TMEM26: variants seen among roughly 807,000 people sequenced by gnomAD.
TMEM26 encodes the protein transmembrane protein 26.
TMEM26 carries 38 observed loss-of-function variants against 28.8 expected under a neutral mutation model. The observed-to-expected ratio is 1.32, with a 90% CI of 1.02 to 1.73. TMEM26 has a LOEUF of 1.73. TMEM26 is among the 40% of genes most tolerant of loss of function. The pLI is 0.00. For missense variants in TMEM26, 518 were observed against 447.1 expected (o/e 1.16, Z -1.43); for synonymous variants, 227 against 182.9 (o/e 1.24, Z -1.95).
At chr10:61,417,465 GTT>G (rs71018971) in intron 4 of TMEM26, among the ~76,000 whole-genome samples, 47 of 139,990 alleles carry the variant, frequency 3.4e-4, no homozygotes, top group South Asian at 1.6e-3. Context: ...AATTCATCTA[GTT>G]TTTTTTTTTT....
At chr10:61,452,869 C>T (rs1299150695) in intron 1 of TMEM26, 22 bp downstream of exon 1, 9 of 1,603,782 alleles carry the variant, frequency 5.6e-6, no homozygotes, top group Non-Finnish European at 6.8e-6. Context: ...CGTGCGCCCT[C>T]GCTTTCCCGG....
At chr10:61,441,206 G>A (rs1012503968) in intron 1 of TMEM26, among the ~76,000 whole-genome samples, 12 of 152,130 alleles carry the variant, frequency 7.9e-5, no homozygotes, top group Admixed American at 3.9e-4. Flanking sequence ...TGATGAGCTC[G>A]CCACAAACAT....
chr10:61,449,312 C>T (rs1589047685), intron 1 of TMEM26, among the ~76,000 whole-genome samples: 1 of 151,702 alleles, frequency 6.6e-6, no homozygotes, highest in Non-Finnish European at 1.5e-5. Context: ...TAACGGGGGA[C>T]ATGTTGTTGG....
intron 4 of TMEM26, among the ~76,000 whole-genome samples, chr10:61,423,080 C>CA (rs1839774760): frequency 6.6e-6 from 1 of 151,782 alleles, no homozygotes; most frequent in Non-Finnish European, 1.5e-5. Context: ...AACTTTATGA[C>CA]AAAAATCTAC....
chr10:61,431,190 C>A, intron 3 of TMEM26, 29 bp downstream of exon 3: 1 of 1,562,320 alleles, frequency 6.4e-7, no homozygotes, highest in Non-Finnish European at 8.8e-7. Context: ...TTTTCTAGAT[C>A]CTTTAATAAA....
At chr10:61,452,844 A>C in intron 1 of TMEM26, 47 bp downstream of exon 1, 2 of 1,583,532 alleles carry the variant, frequency 1.3e-6, no homozygotes, top group Non-Finnish European at 1.7e-6. Context: ...GGTGGGGGAC[A>C]ATACCCTAGG....
At chr10:61,428,686 C>T (rs1444091826) in intron 4 of TMEM26, among the ~76,000 whole-genome samples, 2 of 152,054 alleles carry the variant, frequency 1.3e-5, no homozygotes, top group African/African-American at 4.8e-5. Flanking sequence ...TCTGTTCTCT[C>T]CCACAGAGAA....
intron 2 of TMEM26, among the ~76,000 whole-genome samples, chr10:61,435,106 A>G (rs1355137823): frequency 2.6e-5 from 4 of 152,192 alleles, no homozygotes; most frequent in Non-Finnish European, 5.9e-5. Context: ...CACTCAACCT[A>G]GAGACTGCTT....
At chr10:61,415,124 C>T in intron 4 of TMEM26, 2 of 985,194 alleles carry the variant, frequency 2.0e-6, no homozygotes, top group South Asian at 9.4e-5. Flanking sequence ...CTGGAAGACA[C>T]AATCAGGATT....
intron 4 of TMEM26, among the ~76,000 whole-genome samples, chr10:61,418,738 G>A (rs758646677): frequency 6.6e-6 from 1 of 152,198 alleles, no homozygotes; most frequent in Non-Finnish European, 1.5e-5. Flanking sequence ...CCTAGTTGGA[G>A]TGGGTAATGA....
At chr10:61,427,110 T>A (rs531372172) in intron 4 of TMEM26, among the ~76,000 whole-genome samples, 13 of 152,114 alleles carry the variant, frequency 8.5e-5, no homozygotes, top group African/African-American at 3.1e-4. Context: ...TGAAAACAAA[T>A]TTTAAAAACA....
chr10:61,451,985 T>TTATA (rs1442460535), intron 1 of TMEM26, among the ~76,000 whole-genome samples: 1 of 94,184 alleles, frequency 1.1e-5, no homozygotes, highest in Non-Finnish European at 1.9e-5. Context: ...TTTAATGTAT[T>TTATA]GATATATATA....
Position 61,410,212 on chromosome 10 carries a change from G to A in TMEM26, c.*110C>T, listed in dbSNP as rs1035219521. On this transcript the variant is annotated 3_prime_UTR_variant, in exon 6 of 6. Transcript: ENST00000399298. ...CTTTGGTTTAAGATCACCTTTTTAT[G>A]TTGTTCTTTTGAAAATTATTATACG... The A allele has an allele frequency of 1.6e-5, 20 of 1,226,218 alleles. No individual in the cohort carries two copies. The highest frequency in any genetic ancestry group is 2.1e-5 in the Non-Finnish European group (19 of 899,566). The allele number at this position is 1,226,218 out of a possible 1,614,324, so 76.0% of individuals were successfully genotyped here.
Position 61,407,595 on chromosome 10 carries a change from G to T in TMEM26, c.*2727C>A. On this transcript the variant is annotated 3_prime_UTR_variant, in exon 6 of 6. Transcript: ENST00000399298. ...CAAGATGATCATGAGGTGTGTTTCC[G>T]CACAGTATCATTGAAACATGCACAT... The T allele has an allele frequency of 6.6e-6, 1 of 152,282 alleles. No individual in the cohort carries two copies. The highest frequency in any genetic ancestry group is 1.5e-5 in the Non-Finnish European group (1 of 68,022). 9.4% of individuals were successfully genotyped at this position (152,282 alleles called of 1,614,324 possible).
intron 5 of TMEM26, 45 bp from the exon 6 acceptor site, chr10:61,410,791 A>G (rs1839557858): frequency 6.4e-7 from 1 of 1,573,154 alleles, no homozygotes. Flanking sequence ...TTGGAAGTGT[A>G]GACATATAAG....
At chr10:61,445,985 T>C (rs1488424047) in intron 1 of TMEM26, among the ~76,000 whole-genome samples, 2 of 151,362 alleles carry the variant, frequency 1.3e-5, no homozygotes, top group Non-Finnish European at 2.9e-5. Flanking sequence ...ACTTTGTTTT[T>C]CTCCAGTCAA....
At chr10:61,411,059 G>A (rs1042826697) in intron 5 of TMEM26, among the ~76,000 whole-genome samples, 21 of 152,286 alleles carry the variant, frequency 1.4e-4, no homozygotes, top group Middle Eastern at 3.4e-3. Flanking sequence ...CTCCTTGTGA[G>A]GCTGAGGCTG....
chr10:61,434,652 G>T (rs1019707042), intron 2 of TMEM26, among the ~76,000 whole-genome samples: 13 of 152,138 alleles, frequency 8.5e-5, no homozygotes, highest in Admixed American at 8.5e-4. Context: ...ACAGACATAG[G>T]GATAGCCTAT....
chr10:61,441,832 C>T (rs1346014521), intron 1 of TMEM26, among the ~76,000 whole-genome samples: 1 of 152,124 alleles, frequency 6.6e-6, no homozygotes, highest in African/African-American at 2.4e-5. Flanking sequence ...AATATGAATT[C>T]TTCAATGCCA....
Sources: gnomAD v4.1 joint callset for allele counts (sites outside exome capture counted in the v4.1 genomes callset) on GRCh38, gnomAD v4.1.1 for gene constraint, MANE v1.5 for transcripts, NCBI Gene and HGNC (gene_info 2026-07-23, HGNC 2026-07-21) for gene names.